The following NHEJ1 variants were observed in gnomAD, a reference collection of about 807,000 sequenced individuals.
NHEJ1 encodes non-homologous end-joining factor 1.
A neutral mutation model predicts 39.4 loss-of-function variants in NHEJ1; 22 were observed. That is an observed-to-expected ratio of 0.56 (90% CI 0.40 to 0.80). The LOEUF is 0.80. Among genes scored for constraint, NHEJ1 ranks in the 30% least tolerant of loss-of-function variants. The pLI, the probability that NHEJ1 is intolerant of heterozygous loss-of-function variation, is 0.00. For missense variants in NHEJ1, 329 were observed against 357.1 expected (o/e 0.92, Z 0.63); for synonymous variants, 154 against 135.6 (o/e 1.14, Z -0.94).
chr2:219,107,867 C>T (rs890369342), intron 5 of NHEJ1, among the ~76,000 whole-genome samples: 6 of 152,218 alleles, frequency 3.9e-5, no homozygotes, highest in Admixed American at 6.5e-5. Context: ...TCTTGTTCTG[C>T]TTACAGCCCC....
chr2:219,088,727 AG>A (rs1574705154), intron 5 of NHEJ1, among the ~76,000 whole-genome samples: 1 of 152,202 alleles, frequency 6.6e-6, no homozygotes, highest in African/African-American at 2.4e-5. Flanking sequence ...CTGGTTACAC[AG>A]CTATGTTAAT....
chr2:219,085,220 G>A (rs1949101024), intron 5 of NHEJ1, among the ~76,000 whole-genome samples: 1 of 152,204 alleles, frequency 6.6e-6, no homozygotes, highest in Non-Finnish European at 1.5e-5. Flanking sequence ...AAGAGATAGG[G>A]TGGTGATATC....
intron 5 of NHEJ1, among the ~76,000 whole-genome samples, chr2:219,099,864 G>A (rs935255451): frequency 2.6e-5 from 4 of 152,154 alleles, no homozygotes; most frequent in Non-Finnish European, 4.4e-5. Flanking sequence ...AGAAGATTTT[G>A]CTGATTATAA....
intron 5 of NHEJ1, among the ~76,000 whole-genome samples, chr2:219,113,796 C>T (rs1478887295): frequency 1.3e-5 from 2 of 152,150 alleles, no homozygotes; most frequent in East Asian, 1.9e-4. Context: ...CAAGGTATTC[C>T]ATACTTGGAA....
At position 219,075,716 on chromosome 2, in the gene NHEJ1, CAA is replaced by C. The variant is rs1949006495; in HGVS notation, c.*663_*664del. On this transcript the variant is annotated 3_prime_UTR_variant, in exon 8 of 8. Coordinates refer to ENST00000356853, the MANE Select transcript of NHEJ1 (RefSeq NM_024782.3). ...TAACCTGTTGCCTATACTTTGGAAACAAAGAGAAAAATGCATCCAAGTTTGGC... is the reference window on the plus strand; with the variant it reads ...TAACCTGTTGCCTATACTTTGGAAACAGAGAAAAATGCATCCAAGTTTGGC... 6.6e-6 allele frequency: 1 copy of C among 152,288 alleles called. No homozygotes were observed. Among genetic ancestry groups the C allele is most frequent in the Non-Finnish European group, 1.5e-5 (1 of 68,130 alleles). The allele number at this position is 152,288 out of a possible 1,614,324, so 9.4% of individuals were successfully genotyped here. A position where few individuals can be genotyped will look rare whatever the true frequency, so the allele number is the denominator to read the frequency against.
At chr2:219,119,364 G>C (rs1292857608) in intron 5 of NHEJ1, among the ~76,000 whole-genome samples, 5 of 152,174 alleles carry the variant, frequency 3.3e-5, no homozygotes, top group African/African-American at 1.2e-4. Flanking sequence ...GACAGAAAGT[G>C]AACTGTCTTC....
chr2:219,087,642 T>C (rs1057015462), intron 5 of NHEJ1, among the ~76,000 whole-genome samples: 4 of 152,050 alleles, frequency 2.6e-5, no homozygotes, highest in African/African-American at 4.8e-5. Context: ...AATCGTACTC[T>C]ATAGGGTGAC....
At chr2:219,095,346 T>C (rs1414744434) in intron 5 of NHEJ1, 1 of 471,002 alleles carries the variant, frequency 2.1e-6, no homozygotes, top group Non-Finnish European at 4.4e-6. Flanking sequence ...TTGATGGGTA[T>C]ATCTTTTAAC....
intron 5 of NHEJ1, among the ~76,000 whole-genome samples, chr2:219,093,211 G>A (rs1422993706): frequency 1.3e-5 from 2 of 152,138 alleles, no homozygotes; most frequent in African/African-American, 4.8e-5. Context: ...CCTTAGGGAG[G>A]AGGGAAAGCC....
intron 5 of NHEJ1, among the ~76,000 whole-genome samples, chr2:219,138,814 A>C (rs1166093148): frequency 5.3e-5 from 8 of 152,204 alleles, no homozygotes; most frequent in Admixed American, 5.2e-4. Context: ...AGTCAGGGTA[A>C]ACTCTATTGG....
At chr2:219,132,853 A>G (rs895685140) in intron 5 of NHEJ1, among the ~76,000 whole-genome samples, 1 of 152,210 alleles carries the variant, frequency 6.6e-6, no homozygotes, top group Non-Finnish European at 1.5e-5. Flanking sequence ...ATGTATTTAG[A>G]ATATTCTTTG....
chr2:219,100,076 A>G (rs1416315571), intron 5 of NHEJ1, among the ~76,000 whole-genome samples: 1 of 152,194 alleles, frequency 6.6e-6, no homozygotes, highest in African/African-American at 2.4e-5. Context: ...TTATGGCAAG[A>G]AGGTGGACAT....
At position 219,146,727 on chromosome 2, in the gene NHEJ1, T is replaced by A; in HGVS notation, c.541A>T (p.Thr181Ser). 3 of 1,610,212 alleles carry A rather than the reference T, an allele frequency of 1.9e-6. No individual in the cohort carries two copies. The highest frequency in any genetic ancestry group is 2.6e-6 in the Non-Finnish European group (3 of 1,176,414). ...AAGGAATTTTCTTCAAATGGTTCTG[T>A]CTTCAATCGATCTGTAATAAGAAGG... Reference protein sequence around the residue: ...GATLIRDRLKTEPFEENSFLE... With the variant: ...GATLIRDRLKSEPFEENSFLE... Residue 181 changes from threonine to serine, a missense_variant, in exon 5 of 8, where the codon ACA (threonine) becomes TCA (serine). By Grantham distance (58) the Thr-to-Ser change is moderately conservative. Coordinates refer to ENST00000356853, the MANE Select transcript of NHEJ1 (RefSeq NM_024782.3).
chr2:219,153,220 G>T (rs889756000), intron 3 of NHEJ1, among the ~76,000 whole-genome samples: 1 of 152,126 alleles, frequency 6.6e-6, no homozygotes, highest in Non-Finnish European at 1.5e-5. Context: ...CTTACGACTA[G>T]ACAGTAAGGT....
chr2:219,153,286 T>C (rs1949815344), intron 3 of NHEJ1, among the ~76,000 whole-genome samples: 1 of 152,188 alleles, frequency 6.6e-6, no homozygotes, highest in South Asian at 2.1e-4. Flanking sequence ...TCAGTACTTA[T>C]CCAAATTAAT....
intron 5 of NHEJ1, among the ~76,000 whole-genome samples, chr2:219,145,905 C>G (rs575187108): frequency 6.8e-6 from 1 of 147,930 alleles, no homozygotes; most frequent in Non-Finnish European, 1.5e-5. Flanking sequence ...GCACTCCAGC[C>G]TGGACAACAA....
chr2:219,098,443 C>A (rs1259075781), intron 5 of NHEJ1, among the ~76,000 whole-genome samples: 2 of 152,158 alleles, frequency 1.3e-5, no homozygotes, highest in African/African-American at 4.8e-5. Flanking sequence ...ATCTAATGCA[C>A]AAATAGAGAG....
intron 5 of NHEJ1, among the ~76,000 whole-genome samples, chr2:219,086,411 C>T (rs953258177): frequency 6.6e-6 from 1 of 152,168 alleles, no homozygotes; most frequent in African/African-American, 2.4e-5. Flanking sequence ...TTTCTCCCTC[C>T]TATCTCCTAC....
At chr2:219,135,946 A>G (rs1476891536) in intron 5 of NHEJ1, among the ~76,000 whole-genome samples, 2 of 151,760 alleles carry the variant, frequency 1.3e-5, no homozygotes, top group Non-Finnish European at 2.9e-5. Flanking sequence ...AAGATATACA[A>G]CCCCCTGGAG....
Sources: gnomAD v4.1 joint callset for allele counts (sites outside exome capture counted in the v4.1 genomes callset) on GRCh38, gnomAD v4.1.1 for gene constraint, MANE v1.5 for transcripts, NCBI Gene and HGNC (gene_info 2026-07-23, HGNC 2026-07-21) for gene names.